CEP70: variants seen among roughly 807,000 people sequenced by gnomAD.
CEP70 encodes centrosomal protein 70.
CEP70 carries 70 observed loss-of-function variants against 90.9 expected under a neutral mutation model. That is an observed-to-expected ratio of 0.77 (90% CI 0.64 to 0.94). The LOEUF (loss-of-function observed/expected upper bound fraction) is 0.94. CEP70 is among the 40% of genes least tolerant of loss of function. CEP70 has a pLI of 0.00. For missense variants in CEP70, 648 were observed against 669.0 expected, an observed-to-expected ratio of 0.97 and a Z score of 0.35; for synonymous variants, 220 against 228.3, an observed-to-expected ratio of 0.96 and a Z score of 0.33.
At chr3:138,500,026 C>T in intron 16 of CEP70, 84 bp downstream of exon 16, 1 of 891,614 alleles carries the variant, frequency 1.1e-6, no homozygotes, top group South Asian at 1.4e-5. Context: ...CCCACATCAG[C>T]CTCCCAAGTA....
chr3:138,579,455 C>A (rs780313837), intron 2 of CEP70, among the ~76,000 whole-genome samples: 2 of 151,650 alleles, frequency 1.3e-5, no homozygotes, highest in Non-Finnish European at 2.9e-5. Flanking sequence ...AAAAGTAAAC[C>A]TTTCCTTCTG....
At chr3:138,547,857 A>G (rs1488398948) in intron 6 of CEP70, among the ~76,000 whole-genome samples, 1 of 152,230 alleles carries the variant, frequency 6.6e-6, no homozygotes, top group Non-Finnish European at 1.5e-5. Context: ...TACTCAGAAT[A>G]GTGTACAATT....
At chr3:138,547,712 G>A (rs1019635972) in intron 6 of CEP70, among the ~76,000 whole-genome samples, 1 of 152,176 alleles carries the variant, frequency 6.6e-6, no homozygotes, top group Admixed American at 6.5e-5. Flanking sequence ...GTGATACTAT[G>A]ACAGTAGATC....
At chr3:138,576,464 G>C (rs1371946378) in intron 2 of CEP70, among the ~76,000 whole-genome samples, 1 of 152,130 alleles carries the variant, frequency 6.6e-6, no homozygotes, top group African/African-American at 2.4e-5. Flanking sequence ...AGTCCTTAGA[G>C]ACCTACAAAG....
intron 6 of CEP70, among the ~76,000 whole-genome samples, chr3:138,547,123 G>C (rs541112252): frequency 1.3e-5 from 2 of 152,346 alleles, no homozygotes; most frequent in East Asian, 3.9e-4. Flanking sequence ...CTCTGCCTCA[G>C]CCCTCCCTAG....
At chr3:138,501,231 G>A (rs2034485713) in intron 13 of CEP70, among the ~76,000 whole-genome samples, 1 of 151,968 alleles carries the variant, frequency 6.6e-6, no homozygotes, top group African/African-American at 2.4e-5. Context: ...GATACACAAA[G>A]AATAAACTTG....
intron 9 of CEP70, 31 bp from the exon 10 acceptor site, chr3:138,529,318 CTT>C: frequency 6.4e-7 from 1 of 1,568,956 alleles, no homozygotes; most frequent in African/African-American, 1.4e-5. Flanking sequence ...AAATAATTAA[CTT>C]TCTTAGATTA....
intron 11 of CEP70, among the ~76,000 whole-genome samples, chr3:138,512,752 A>G (rs954177889): frequency 6.6e-6 from 1 of 152,270 alleles, no homozygotes; most frequent in African/African-American, 2.4e-5. Flanking sequence ...CAGAAACTTT[A>G]TAGCTTTTAA....
intron 6 of CEP70, among the ~76,000 whole-genome samples, chr3:138,556,081 A>G (rs1376005223): frequency 6.6e-6 from 1 of 152,216 alleles, no homozygotes; most frequent in Non-Finnish European, 1.5e-5. Context: ...ATGGAATACT[A>G]CTCAGCCATA....
intron 7 of CEP70, among the ~76,000 whole-genome samples, chr3:138,535,767 G>GT (rs2038209817): frequency 6.6e-6 from 1 of 151,860 alleles, no homozygotes; most frequent in Non-Finnish European, 1.5e-5. Flanking sequence ...ACTGTTTTTT[G>GT]TTTTTTCATT....
chr3:138,537,405 T>A, intron 6 of CEP70, 58 bp from the exon 7 acceptor site: 1 of 1,228,710 alleles, frequency 8.1e-7, no homozygotes, highest in Non-Finnish European at 1.1e-6. Flanking sequence ...CATGCTATCC[T>A]AACAGTATTG....
chr3:138,499,925 C>T (rs1055889556), intron 16 of CEP70, 185 bp downstream of exon 16: 8 of 533,844 alleles, frequency 1.5e-5, no homozygotes, highest in Admixed American at 3.2e-5. Context: ...CAGGAACTCT[C>T]GATAATACTT....
chr3:138,501,602 T>C (rs532193374), intron 13 of CEP70, among the ~76,000 whole-genome samples: 1 of 152,338 alleles, frequency 6.6e-6, no homozygotes, highest in East Asian at 1.9e-4. Context: ...TTTATCCATG[T>C]TATAACATGT....
intron 10 of CEP70, among the ~76,000 whole-genome samples, chr3:138,528,561 A>G (rs1037105779): frequency 1.3e-5 from 2 of 152,180 alleles, no homozygotes; most frequent in Non-Finnish European, 2.9e-5. Flanking sequence ...TTACTTTTCA[A>G]AGGATGAAGA....
intron 17 of CEP70, chr3:138,495,941 T>G (rs2033927481): frequency 1.6e-5 from 16 of 985,252 alleles, no homozygotes; most frequent in Non-Finnish European, 1.9e-5. Flanking sequence ...CTTAGCCTGG[T>G]CCAGCTTACC....
intron 11 of CEP70, among the ~76,000 whole-genome samples, chr3:138,510,066 G>A (rs552590726): frequency 1.3e-5 from 2 of 152,208 alleles, no homozygotes; most frequent in East Asian, 1.9e-4. Flanking sequence ...CAGTGAGAAC[G>A]AATATTCTAT....
intron 1 of CEP70, chr3:138,593,167 A>C (rs975188347): frequency 1.3e-5 from 2 of 152,328 alleles, no homozygotes; most frequent in Middle Eastern, 6.8e-3. Flanking sequence ...TTTAAAGTAC[A>C]AAACTCATGC....
At chr3:138,547,709 T>G (rs979259130) in intron 6 of CEP70, among the ~76,000 whole-genome samples, 1 of 152,200 alleles carries the variant, frequency 6.6e-6, no homozygotes, top group Admixed American at 6.5e-5. Flanking sequence ...ACTGTGATAC[T>G]ATGACAGTAG....
chr3:138,588,993 T>G (rs1305339045), intron 2 of CEP70, among the ~76,000 whole-genome samples: 1 of 152,222 alleles, frequency 6.6e-6, no homozygotes. Context: ...TCCATTTATA[T>G]AAAACTCTAG....
Sources: allele counts gnomAD v4.1 joint callset (sites outside exome capture counted in the v4.1 genomes callset), GRCh38; gene constraint gnomAD v4.1.1; transcripts MANE v1.5; gene names NCBI Gene and HGNC (gene_info 2026-07-23, HGNC 2026-07-21).